The following MYO5B variants were observed in gnomAD, a reference collection of about 807,000 sequenced individuals.
MYO5B encodes the protein myosin VB, also known as unconventional myosin-Vb.
In MYO5B, 143 loss-of-function variants were observed where a neutral mutation model predicts 229.3. The ratio of observed to expected loss-of-function variants is 0.62; its 90% CI spans 0.54 to 0.72. The LOEUF (loss-of-function observed/expected upper bound fraction) is 0.72, where lower values mean the gene tolerates loss of function less well. Ranked by LOEUF, MYO5B falls within the 30% of genes least tolerant of loss-of-function variation. The pLI is 0.00. For synonymous variants in MYO5B, 918 were observed against 885.2 expected, an observed-to-expected ratio of 1.04 and a Z score of -0.66; for missense variants, 2,321 against 2,331.0, an observed-to-expected ratio of 1.00 and a Z score of 0.09.
chr18:50,091,809 C>T (rs865993493), intron 1 of MYO5B, among the ~76,000 whole-genome samples: 85 of 152,154 alleles, frequency 5.6e-4, no homozygotes, highest in African/African-American at 2.0e-3. Flanking sequence ...TAGGCTTGCA[C>T]TGAAAATTTC....
chr18:49,886,168 G>A (rs962282567), intron 22 of MYO5B, among the ~76,000 whole-genome samples: 1 of 152,110 alleles, frequency 6.6e-6, no homozygotes, highest in South Asian at 2.1e-4. Flanking sequence ...TTGAACTCTT[G>A]GGCTCAAGTG....
chr18:50,127,770 T>C (rs1384772604), intron 1 of MYO5B, among the ~76,000 whole-genome samples: 1 of 152,238 alleles, frequency 6.6e-6, no homozygotes, highest in East Asian at 1.9e-4. Flanking sequence ...TCCATGAAGC[T>C]GTTTCTAGAT....
chr18:50,143,524 G>A (rs1030465119), intron 1 of MYO5B, among the ~76,000 whole-genome samples: 4 of 152,132 alleles, frequency 2.6e-5, no homozygotes, highest in Non-Finnish European at 2.9e-5. Context: ...GCATTAGAGC[G>A]GTTGATCTGT....
chr18:49,958,532 C>T (rs2025521531), intron 12 of MYO5B, among the ~76,000 whole-genome samples: 1 of 152,182 alleles, frequency 6.6e-6, no homozygotes, highest in African/African-American at 2.4e-5. Context: ...AGCCATCCCA[C>T]CTTTCTGTCC....
At chr18:50,098,173 T>A (rs2031589309) in intron 1 of MYO5B, among the ~76,000 whole-genome samples, 1 of 152,206 alleles carries the variant, frequency 6.6e-6, no homozygotes, top group Admixed American at 6.5e-5. Flanking sequence ...ACATCCTCCA[T>A]CAAGCAGGTC....
intron 1 of MYO5B, among the ~76,000 whole-genome samples, chr18:50,114,802 C>A (rs9963499): frequency 1.3e-5 from 2 of 152,070 alleles, no homozygotes; most frequent in East Asian, 1.9e-4. Flanking sequence ...GTGTTACCTC[C>A]ACAGGTGGAG....
chr18:49,964,792 A>G (rs569621791), intron 10 of MYO5B, among the ~76,000 whole-genome samples: 2 of 152,316 alleles, frequency 1.3e-5, no homozygotes, highest in East Asian at 3.9e-4. Context: ...GAATATCAAC[A>G]CTATCATTCA....
chr18:50,049,039 A>C (rs2030320005), intron 2 of MYO5B, among the ~76,000 whole-genome samples: 1 of 152,008 alleles, frequency 6.6e-6, no homozygotes, highest in Admixed American at 6.6e-5. Flanking sequence ...AAAAAAAAAA[A>C]AAAGTGTGAA....
chr18:50,143,867 G>T (rs1469660236), intron 1 of MYO5B, among the ~76,000 whole-genome samples: 1 of 152,146 alleles, frequency 6.6e-6, no homozygotes, highest in East Asian at 1.9e-4. Flanking sequence ...AGCACATTCT[G>T]CCCTATTCGT....
At chr18:50,140,975 C>T (rs1395238042) in intron 1 of MYO5B, among the ~76,000 whole-genome samples, 2 of 152,166 alleles carry the variant, frequency 1.3e-5, no homozygotes, top group Non-Finnish European at 2.9e-5. Flanking sequence ...CAAAATACTG[C>T]CAATCAGGGA....
chr18:49,962,792 A>G (rs749534484), intron 11 of MYO5B, among the ~76,000 whole-genome samples, 157 bp downstream of exon 11: 3 of 151,964 alleles, frequency 2.0e-5, no homozygotes, highest in Non-Finnish European at 4.4e-5. Flanking sequence ...AGCAGTGGAG[A>G]GCCCCTTCCG....
chr18:49,896,179 C>T (rs1346043270), intron 21 of MYO5B, among the ~76,000 whole-genome samples: 1 of 152,144 alleles, frequency 6.6e-6, no homozygotes, highest in Non-Finnish European at 1.5e-5. Flanking sequence ...CTGTAAAATG[C>T]CACAGATGCT....
At chr18:49,846,402 C>A (rs541951612) in intron 33 of MYO5B, among the ~76,000 whole-genome samples, 1 of 152,312 alleles carries the variant, frequency 6.6e-6, no homozygotes, top group Admixed American at 6.5e-5. Flanking sequence ...CAACGAAATA[C>A]GAACTTTCAT....
intron 14 of MYO5B, among the ~76,000 whole-genome samples, chr18:49,949,036 T>G (rs1648765223): frequency 6.6e-6 from 1 of 152,198 alleles, no homozygotes; most frequent in African/African-American, 2.4e-5. Flanking sequence ...GTAAGTAGCT[T>G]TGGGCCAAGG....
intron 1 of MYO5B, among the ~76,000 whole-genome samples, chr18:50,109,403 C>T (rs1174296269): frequency 6.6e-6 from 1 of 151,638 alleles, no homozygotes; most frequent in East Asian, 1.9e-4. Flanking sequence ...CTTATCACAA[C>T]TGGTCCGCTG....
intron 1 of MYO5B, among the ~76,000 whole-genome samples, chr18:50,132,007 C>A (rs1387046046): frequency 6.6e-6 from 1 of 152,186 alleles, no homozygotes; most frequent in Non-Finnish European, 1.5e-5. Flanking sequence ...TTTTCCCAAA[C>A]AATAATTTGC....
chr18:49,834,068 G>C (rs1816159608), intron 39 of MYO5B, among the ~76,000 whole-genome samples: 1 of 152,056 alleles, frequency 6.6e-6, no homozygotes, highest in Non-Finnish European at 1.5e-5. Context: ...GTTCATTTAG[G>C]CTTTTTTTTT....
At chr18:50,095,830 T>C (rs2031539359) in intron 1 of MYO5B, among the ~76,000 whole-genome samples, 2 of 152,228 alleles carry the variant, frequency 1.3e-5, no homozygotes, top group Non-Finnish European at 1.5e-5. Flanking sequence ...AAGCAATCTT[T>C]TAAGAGCTTC....
rs16951326 is a variant in MYO5B at position 49,963,040 on chromosome 18, G to A, written c.1323-10C>T. 5,493 of 1,610,452 alleles carry A rather than the reference G, an allele frequency of 3.4e-3. 163 individuals are homozygous for A. The African/African-American group carries it at 0.065, about 19-fold the overall frequency. ...CTCAAATGTCTCAAACCTACAGAAT[G>A]GAAAGAGAAGATAAGAGACGTCTCC... On this transcript the variant is annotated splice_polypyrimidine_tract_variant and intron_variant, in intron 10 of 39. Coordinates refer to ENST00000285039, the MANE Select transcript of MYO5B (RefSeq NM_001080467.3).
Sources: gnomAD v4.1 joint callset for allele counts (sites outside exome capture counted in the v4.1 genomes callset) on GRCh38, gnomAD v4.1.1 for gene constraint, MANE v1.5 for transcripts, NCBI Gene and HGNC (gene_info 2026-07-23, HGNC 2026-07-21) for gene names.